CTIF: variants seen among roughly 807,000 people sequenced by gnomAD.
The protein encoded by CTIF is cap binding complex dependent translation initiation factor.
CTIF carries 21 observed loss-of-function variants against 66.0 expected under a neutral mutation model. The observed-to-expected ratio is 0.32, with a 90% CI of 0.23 to 0.46. The LOEUF (loss-of-function observed/expected upper bound fraction) is 0.46. Ranked by LOEUF, CTIF falls within the 20% of genes least tolerant of loss-of-function variation. The pLI is 1.00. For synonymous variants in CTIF, 345 were observed against 326.4 expected (o/e 1.06, Z -0.62); for missense variants, 739 against 812.7 (o/e 0.91, Z 1.10).
chr18:48,809,245 C>T (rs901940943), intron 9 of CTIF, among the ~76,000 whole-genome samples: 1 of 152,092 alleles, frequency 6.6e-6, no homozygotes, highest in African/African-American at 2.4e-5. Context: ...ATTAATTAGT[C>T]ACTGAACTCT....
At chr18:48,779,006 G>T (rs1312001756) in intron 9 of CTIF, among the ~76,000 whole-genome samples, 1 of 152,226 alleles carries the variant, frequency 6.6e-6, no homozygotes, top group Non-Finnish European at 1.5e-5. Context: ...CTTCGTAGCT[G>T]TGTGGCCTGG....
At chr18:48,657,582 T>C (rs2091264948) in intron 3 of CTIF, among the ~76,000 whole-genome samples, 2 of 151,982 alleles carry the variant, frequency 1.3e-5, no homozygotes, top group Non-Finnish European at 2.9e-5. Flanking sequence ...AGTACAACAA[T>C]GACGAGAGGA....
chr18:48,603,115 A>C (rs2090127245), intron 1 of CTIF, among the ~76,000 whole-genome samples: 1 of 139,452 alleles, frequency 7.2e-6, no homozygotes, highest in African/African-American at 2.7e-5. Context: ...GGGTGAATGG[A>C]TGGATGAATG....
intron 1 of CTIF, among the ~76,000 whole-genome samples, chr18:48,556,712 G>A (rs545361858): frequency 6.6e-5 from 10 of 152,192 alleles, no homozygotes; most frequent in Admixed American, 2.0e-4. Flanking sequence ...TTACAGGCAC[G>A]CACCACCACA....
intron 1 of CTIF, among the ~76,000 whole-genome samples, chr18:48,569,594 T>G (rs2143623761): frequency 6.6e-6 from 1 of 152,350 alleles, no homozygotes; most frequent in South Asian, 2.1e-4. Flanking sequence ...TGATTTGATT[T>G]AATACCATGT....
At chr18:48,618,696 G>A (rs2090439222) in intron 1 of CTIF, among the ~76,000 whole-genome samples, 1 of 152,188 alleles carries the variant, frequency 6.6e-6, no homozygotes, top group African/African-American at 2.4e-5. Context: ...CCCCTGCAGG[G>A]CTGGGTTGAG....
At chr18:48,608,754 C>T (rs950990798) in intron 1 of CTIF, among the ~76,000 whole-genome samples, 5 of 152,192 alleles carry the variant, frequency 3.3e-5, no homozygotes, top group Non-Finnish European at 7.3e-5. Flanking sequence ...TGTGGACACT[C>T]CCACCAGGCT....
At chr18:48,710,347 G>A (rs1318879883) in intron 6 of CTIF, among the ~76,000 whole-genome samples, 2 of 152,160 alleles carry the variant, frequency 1.3e-5, no homozygotes, top group Admixed American at 6.5e-5. Flanking sequence ...TGCTCAGGTC[G>A]CTGCAGGTGG....
rs998472760 is a variant in CTIF at position 48,670,794 on chromosome 18, C to T, written c.507+50C>T. The T allele has an allele frequency of 1.7e-5, 25 of 1,501,394 alleles. No homozygotes were observed. The Admixed American group carries it at 2.7e-4, about 16-fold the overall frequency. 93.0% of individuals were successfully genotyped at this position (1,501,394 alleles called of 1,614,324 possible). ...ACAGCCCACCCCCACCCCTGGAGTC[C>T]TGATCCTCTTCCTGGACAGGACCTA... On this transcript the variant is annotated intron_variant, in intron 6 of 11. Transcript: ENST00000256413.
intron 9 of CTIF, among the ~76,000 whole-genome samples, chr18:48,772,331 A>G (rs1910230116): frequency 6.6e-6 from 1 of 152,154 alleles, no homozygotes; most frequent in African/African-American, 2.4e-5. Context: ...AATATACCAT[A>G]AAATTCACCA....
intron 1 of CTIF, among the ~76,000 whole-genome samples, chr18:48,557,268 T>C (rs964478843): frequency 6.6e-6 from 1 of 152,122 alleles, no homozygotes; most frequent in African/African-American, 2.4e-5. Flanking sequence ...CAGTCACCCT[T>C]GGGCTACAGA....
chr18:48,579,439 C>G (rs1157758788), intron 1 of CTIF, among the ~76,000 whole-genome samples: 3 of 152,198 alleles, frequency 2.0e-5, no homozygotes, highest in Non-Finnish European at 4.4e-5. Context: ...AGCCACTGTG[C>G]CTGGCCATCT....
At chr18:48,624,882 A>G (rs1378424208) in intron 2 of CTIF, among the ~76,000 whole-genome samples, 1 of 152,188 alleles carries the variant, frequency 6.6e-6, no homozygotes, top group Non-Finnish European at 1.5e-5. Context: ...TCAAATTAAG[A>G]GCCAGTGAGA....
Position 48,818,882 on chromosome 18 carries a change from T to C in CTIF, c.1527+1506T>C, listed in dbSNP as rs546805621. Among the ~76,000 whole-genome samples the C allele has an allele frequency of 1.8e-4, 28 of 151,626 alleles. No homozygotes were observed. In the South Asian group the frequency reaches 3.4e-3, roughly 18 times the overall value. ...GTGTCAGCGGAGGTGAGGACAGGAG[T>C]GTGGACACGTCTTTCGAGAAGTTTT... is the stretch of plus-strand genomic sequence containing the variant. On this transcript the variant is annotated intron_variant, in intron 10 of 11. Coordinates refer to ENST00000256413, the MANE Select transcript of CTIF (RefSeq NM_014772.3).
chr18:48,759,840 T>C (rs1238532817), intron 8 of CTIF, among the ~76,000 whole-genome samples: 1 of 152,104 alleles, frequency 6.6e-6, no homozygotes, highest in Non-Finnish European at 1.5e-5. Context: ...CACCTATAGA[T>C]CAGTTTCAAG....
chr18:48,758,981 C>T (rs988104393), intron 8 of CTIF, among the ~76,000 whole-genome samples: 1 of 152,264 alleles, frequency 6.6e-6, no homozygotes, highest in East Asian at 1.9e-4. Context: ...GCTCCATTCT[C>T]AGCATCACGC....
chr18:48,633,108 G>A lies in CTIF; in HGVS notation c.181-3506G>A, dbSNP rs952604326. On this transcript the variant is annotated intron_variant, in intron 2 of 11. Transcript: ENST00000256413. ...GTCCCCCGTGAGTCACCGTGCCGTG[G>A]AATATCACACCAGCACTACGCAGCT... Among the ~76,000 whole-genome samples, 14 of 152,272 alleles carry A rather than the reference G, an allele frequency of 9.2e-5. 1 individual carries two copies. Among genetic ancestry groups the A allele is most frequent in the Admixed American group, 7.8e-4 (12 of 15,302 alleles).
chr18:48,550,746 C>T (rs148986068), intron 1 of CTIF, among the ~76,000 whole-genome samples: 1 of 152,206 alleles, frequency 6.6e-6, no homozygotes, highest in Non-Finnish European at 1.5e-5. Flanking sequence ...CACCTTGCTA[C>T]TGTCCTGGGA....
intron 7 of CTIF, among the ~76,000 whole-genome samples, chr18:48,712,690 C>T (rs117279791): frequency 6.6e-6 from 1 of 152,368 alleles, no homozygotes; most frequent in East Asian, 1.9e-4. Context: ...AGCCGGTGGA[C>T]ATGCCTTGCT....
Sources: allele counts gnomAD v4.1 joint callset (sites outside exome capture counted in the v4.1 genomes callset), GRCh38; gene constraint gnomAD v4.1.1; transcripts MANE v1.5; gene names NCBI Gene and HGNC (gene_info 2026-07-23, HGNC 2026-07-21).